Variants in ATXN1 observed in about 807,000 individuals in gnomAD.
ATXN1 encodes the protein ataxin-1.
In ATXN1, 8 loss-of-function variants were observed where a neutral mutation model predicts 56.4. The ratio of observed to expected loss-of-function variants is 0.14; its 90% confidence interval spans 0.08 to 0.26. The LOEUF (loss-of-function observed/expected upper bound fraction) is 0.26, where lower values mean the gene tolerates loss of function less well. Among genes scored for constraint, ATXN1 ranks in the 10% least tolerant of loss-of-function variants. ATXN1 has a pLI of 1.00. For missense variants in ATXN1, 987 were observed against 1,106.5 expected (o/e 0.89, Z 1.53); for synonymous variants, 514 against 494.6 (o/e 1.04, Z -0.52).
intron 2 of ATXN1, among the ~76,000 whole-genome samples, chr6:16,662,009 T>G (rs918402398): frequency 2.4e-4 from 36 of 152,214 alleles, no homozygotes; most frequent in African/African-American, 8.4e-4. Flanking sequence ...GAGTAATTAC[T>G]TACACAGCAG....
intron 2 of ATXN1, among the ~76,000 whole-genome samples, chr6:16,682,387 C>A (rs1466538553): frequency 2.0e-5 from 3 of 151,690 alleles, no homozygotes; most frequent in African/African-American, 7.3e-5. Flanking sequence ...AGTAAAGATG[C>A]AGTTTCACCA....
intron 6 of ATXN1, among the ~76,000 whole-genome samples, chr6:16,378,538 T>C (rs1407912922): frequency 1.6e-5 from 1 of 64,286 alleles, no homozygotes; most frequent in Non-Finnish European, 2.9e-5. Context: ...CTCTCTTGAC[T>C]TTATTTATTT....
In ATXN1 at chr6:16,564,645, T is replaced by A. The variant is rs143648265; in HGVS notation, c.-361+21135A>T. On this transcript the variant is annotated intron_variant, in intron 4 of 7. Coordinates refer to ENST00000436367, the MANE Select transcript of ATXN1 (RefSeq NM_001128164.2). ...TGCATGATTCTATTTATATGGAATG[T>A]CTAGAACAAGCAAATCTATATATAG... 1.6e-4 allele frequency among the ~76,000 whole-genome samples: 25 copies of A among 152,330 alleles called. No homozygotes were observed. In the East Asian group the frequency reaches 4.8e-3, roughly 29 times the overall value.
At chr6:16,677,145 A>G (rs1217240625) in intron 2 of ATXN1, among the ~76,000 whole-genome samples, 3 of 148,626 alleles carry the variant, frequency 2.0e-5, no homozygotes, top group Non-Finnish European at 4.4e-5. Context: ...TGAGTCAGGG[A>G]GACAAACATG....
intron 6 of ATXN1, among the ~76,000 whole-genome samples, chr6:16,402,606 C>A (rs1257164880): frequency 1.3e-5 from 2 of 152,136 alleles, no homozygotes; most frequent in Non-Finnish European, 2.9e-5. Context: ...GCATGCAAGG[C>A]TTAGCTGGAA....
chr6:16,406,821 A>G (rs182315215), intron 6 of ATXN1, among the ~76,000 whole-genome samples: 5 of 152,286 alleles, frequency 3.3e-5, no homozygotes, highest in African/African-American at 1.2e-4. Flanking sequence ...GCTGCTAGCC[A>G]TTCGGGACAA....
intron 2 of ATXN1, among the ~76,000 whole-genome samples, chr6:16,742,107 T>C (rs1280025724): frequency 6.6e-6 from 1 of 152,164 alleles, no homozygotes; most frequent in Non-Finnish European, 1.5e-5. Context: ...AACCATGGCA[T>C]TTTTTTCTTC....
chr6:16,567,527 A>T (rs1448111404), intron 4 of ATXN1, among the ~76,000 whole-genome samples: 1 of 152,208 alleles, frequency 6.6e-6, no homozygotes, highest in Non-Finnish European at 1.5e-5. Flanking sequence ...ATATGGAAGC[A>T]CATCACCCTG....
At chr6:16,404,636 G>T (rs748065488) in intron 6 of ATXN1, among the ~76,000 whole-genome samples, 2 of 151,922 alleles carry the variant, frequency 1.3e-5, no homozygotes, top group Non-Finnish European at 2.9e-5. Flanking sequence ...TCCCTGGGTT[G>T]TATTCAAGCT....
intron 6 of ATXN1, among the ~76,000 whole-genome samples, chr6:16,468,496 G>A (rs1002847337): frequency 2.0e-5 from 3 of 152,140 alleles, no homozygotes; most frequent in East Asian, 1.9e-4. Flanking sequence ...GCCCGGACTG[G>A]TTATTACCTT....
intron 7 of ATXN1, among the ~76,000 whole-genome samples, chr6:16,321,183 G>T (rs1454085861): frequency 1.3e-5 from 2 of 152,164 alleles, no homozygotes; most frequent in African/African-American, 4.8e-5. Context: ...CCTACCCAAG[G>T]AGGAGGTGCG....
In ATXN1 at chr6:16,616,446, A is replaced by C. The variant is rs1434329171; in HGVS notation, c.-488-30539T>G. Among the ~76,000 whole-genome samples the C allele has an allele frequency of 4.0e-5, 6 of 151,416 alleles. No homozygotes were observed. The East Asian group carries it at 1.2e-3, about 30-fold the overall frequency. ...TCCCAGATACTTGGGAGGCTGAGAC[A>C]GAAGAATCACTTGAACCTGGGAGGC... On this transcript the variant is annotated intron_variant, in intron 3 of 7. Coordinates refer to ENST00000436367, the MANE Select transcript of ATXN1 (RefSeq NM_001128164.2).
At chr6:16,753,788 A>C (rs1220704741) in intron 1 of ATXN1, among the ~76,000 whole-genome samples, 1 of 152,212 alleles carries the variant, frequency 6.6e-6, no homozygotes, top group Non-Finnish European at 1.5e-5. Flanking sequence ...AAACACAATG[A>C]TGAAAGTGCA....
At chr6:16,518,087 C>G (rs1382343214) in intron 5 of ATXN1, among the ~76,000 whole-genome samples, 1 of 151,138 alleles carries the variant, frequency 6.6e-6, no homozygotes, top group Non-Finnish European at 1.5e-5. Context: ...AACAATAAAC[C>G]AGCAGTCGGA....
At chr6:16,759,509 T>C (rs1478248623) in intron 1 of ATXN1, among the ~76,000 whole-genome samples, 1 of 143,596 alleles carries the variant, frequency 7.0e-6, no homozygotes, top group Admixed American at 7.1e-5. Flanking sequence ...TCGCGCATTA[T>C]ATAACCAGCT....
chr6:16,618,737 A>C (rs1019160824), intron 3 of ATXN1, among the ~76,000 whole-genome samples: 2 of 151,636 alleles, frequency 1.3e-5, no homozygotes, highest in African/African-American at 2.4e-5. Context: ...AAAAAAAAAA[A>C]AGGATTCAAC....
chr6:16,366,714 G>A (rs1761928432), intron 6 of ATXN1, among the ~76,000 whole-genome samples: 1 of 148,972 alleles, frequency 6.7e-6, no homozygotes, highest in Non-Finnish European at 1.5e-5. Flanking sequence ...CCGGGAGGTG[G>A]AGGTTGCAGT....
intron 4 of ATXN1, among the ~76,000 whole-genome samples, chr6:16,583,228 G>A (rs1008441414): frequency 6.6e-6 from 1 of 152,076 alleles, no homozygotes; most frequent in African/African-American, 2.4e-5. Flanking sequence ...CAGAAATTAG[G>A]GCCAAAACGA....
chr6:16,718,807 C>T (rs529704927), intron 2 of ATXN1, among the ~76,000 whole-genome samples: 8 of 152,318 alleles, frequency 5.3e-5, no homozygotes, highest in Admixed American at 1.3e-4. Flanking sequence ...GTGCATTGTA[C>T]GCACAGATGT....
Sources: allele counts gnomAD v4.1 joint callset (sites outside exome capture counted in the v4.1 genomes callset), GRCh38; gene constraint gnomAD v4.1.1; transcripts MANE v1.5; gene names NCBI Gene and HGNC (gene_info 2026-07-23, HGNC 2026-07-21).